Variants in ERO1B observed in about 807,000 individuals in gnomAD.
The protein encoded by ERO1B is ERO1-like protein beta.
A neutral mutation model predicts 75.3 loss-of-function variants in ERO1B; 49 were observed. The observed-to-expected ratio is 0.65, with a 90% CI of 0.52 to 0.83. The LOEUF (loss-of-function observed/expected upper bound fraction) is 0.83. Among genes scored for constraint, ERO1B ranks in the 40% least tolerant of loss-of-function variants. The pLI is 0.00. For missense variants in ERO1B, 512 were observed against 560.1 expected (o/e 0.91, Z 0.87); for synonymous variants, 191 against 192.9 (o/e 0.99, Z 0.08).
intron 6 of ERO1B, among the ~76,000 whole-genome samples, chr1:236,242,173 T>C (rs1465911191): frequency 6.6e-6 from 1 of 152,184 alleles, no homozygotes; most frequent in Non-Finnish European, 1.5e-5. Flanking sequence ...TTTTATTAAA[T>C]ACCTATTTAC....
At position 236,265,452 on chromosome 1, in the gene ERO1B, G is replaced by T. The variant is rs76948631; in HGVS notation, c.222+4423C>A. 6.3e-3 allele frequency among the ~76,000 whole-genome samples: 958 copies of T among 152,102 alleles called. 10 individuals are homozygous for T. The highest frequency in any genetic ancestry group is 0.022 in the African/African-American group (918 of 41,472). Reference sequence around the variant, plus strand: ...CCTTGATTTCATTTCTATATCATACGTCACACTCAATTCATCAGAAAAGCT... The same window carrying T: ...CCTTGATTTCATTTCTATATCATACTTCACACTCAATTCATCAGAAAAGCT... On this transcript the variant is annotated intron_variant, in intron 2 of 15. Coordinates refer to ENST00000354619, the MANE Select transcript of ERO1B (RefSeq NM_019891.4).
intron 10 of ERO1B, among the ~76,000 whole-genome samples, chr1:236,228,123 A>G (rs1335995501): frequency 6.6e-6 from 1 of 152,164 alleles, no homozygotes. Flanking sequence ...AATAAAATGG[A>G]TAAAGACAAG....
rs146971397 is a variant in ERO1B at position 236,247,824 on chromosome 1, T to C, written c.431+2061A>G. ...CTAGGCATGATCCTGCCATGGGGGT[T>C]TTCAACTAACATTTATATATACCTG... On this transcript the variant is annotated intron_variant, in intron 5 of 15. Coordinates refer to ENST00000354619, the MANE Select transcript of ERO1B (RefSeq NM_019891.4). Among the ~76,000 whole-genome samples, 4 of 152,322 alleles carry C rather than the reference T, an allele frequency of 2.6e-5. No homozygotes were observed. In the East Asian group the frequency reaches 7.7e-4, roughly 29 times the overall value.
chr1:236,236,342 T>G lies in ERO1B; in HGVS notation c.562A>C (p.Thr188Pro). The part of the protein sequence containing the change: ...VDLLLNPERY[T>P]GYKGTSAWRV... ...CATGCAGAGGTCCCTTTATAGCCAGTGTAACGCTCTGGGTTCAGCAATAGG... is the reference window on the plus strand; with the variant it reads ...CATGCAGAGGTCCCTTTATAGCCAGGGTAACGCTCTGGGTTCAGCAATAGG... The change falls in exon 7 of 16, where the codon ACT becomes CCT. Residue 188 changes from threonine to proline, a missense_variant. Coordinates refer to ENST00000354619, the MANE Select transcript of ERO1B (RefSeq NM_019891.4). 1.2e-6 allele frequency: 2 copies of G among 1,613,936 alleles called. No homozygotes were observed. Among genetic ancestry groups the G allele is most frequent in the Non-Finnish European group, 1.7e-6 (2 of 1,179,952 alleles).
chr1:236,226,201 G>A, intron 12 of ERO1B, 68 bp downstream of exon 12: 1 of 1,527,296 alleles, frequency 6.5e-7, no homozygotes, highest in Non-Finnish European at 8.9e-7. Flanking sequence ...CAGTTTTTGT[G>A]TACTTTAAGT....
At position 236,218,166 on chromosome 1, in the gene ERO1B, A is replaced by C. The variant is rs1436998667; in HGVS notation, c.*350T>G. On this transcript the variant is annotated 3_prime_UTR_variant, in exon 16 of 16. Transcript: ENST00000354619. ...TTTCCATAACAGACTGAACAGTGTT[A>C]TTAGAATGCAGACATAGCCATTTAA... is the stretch of plus-strand genomic sequence containing the variant. 6.5e-6 allele frequency: 1 copy of C among 154,552 alleles called. No homozygotes were observed. The highest frequency in any genetic ancestry group is 1.4e-5 in the Non-Finnish European group (1 of 69,712). The allele number at this position is 154,552 out of a possible 1,614,324, so 9.6% of individuals were successfully genotyped here. A position where few individuals can be genotyped will look rare whatever the true frequency, so the allele number is the denominator to read the frequency against.
intron 2 of ERO1B, among the ~76,000 whole-genome samples, chr1:236,256,300 T>C (rs533110833): frequency 5.0e-4 from 76 of 152,312 alleles, no homozygotes; most frequent in African/African-American, 1.7e-3. Context: ...TCTTCTTCCC[T>C]GGCTTGCTTC....
At chr1:236,228,270 G>C (rs1204283593) in intron 10 of ERO1B, among the ~76,000 whole-genome samples, 3 of 152,148 alleles carry the variant, frequency 2.0e-5, no homozygotes, top group African/African-American at 7.2e-5. Flanking sequence ...GATAAGTGAG[G>C]GGAGAGGAAT....
chr1:236,255,097 TCTTTC>T (rs1371670865), intron 2 of ERO1B, among the ~76,000 whole-genome samples: 1 of 136,140 alleles, frequency 7.3e-6, no homozygotes, highest in Non-Finnish European at 1.6e-5. Flanking sequence ...ATTTTTTTTT[TCTTTC>T]TTTTTTTTTT....
At chr1:236,246,902 T>C (rs1226457348) in intron 5 of ERO1B, among the ~76,000 whole-genome samples, 2 of 152,186 alleles carry the variant, frequency 1.3e-5, no homozygotes, top group African/African-American at 4.8e-5. Context: ...GTTTAAAGAA[T>C]AATTTCTGTT....
intron 1 of ERO1B, among the ~76,000 whole-genome samples, chr1:236,272,732 A>C (rs2695042): frequency 0.92 from 140,419 of 152,274 alleles, 65,798 homozygotes; most frequent in East Asian, 1. Context: ...AGAAATAAAT[A>C]TTGTTTTTGT....
intron 5 of ERO1B, among the ~76,000 whole-genome samples, chr1:236,245,582 T>TA (rs1664860840): frequency 2.1e-4 from 1 of 4,718 alleles, no homozygotes; most frequent in African/African-American, 3.7e-4. Context: ...ATATATATAT[T>TA]TTTTTTTTTT....
At chr1:236,267,969 A>G (rs1247500174) in intron 2 of ERO1B, 1 of 152,180 alleles carries the variant, frequency 6.6e-6, no homozygotes. Flanking sequence ...CGGGGGAAAA[A>G]AAAAAAAATG....
At chr1:236,223,763 CAT>C (rs1371762603) in intron 13 of ERO1B, among the ~76,000 whole-genome samples, 1 of 152,120 alleles carries the variant, frequency 6.6e-6, no homozygotes, top group African/African-American at 2.4e-5. Context: ...AAAAGTAGAA[CAT>C]ATGTGTTGAT....
At chr1:236,270,066 A>G in intron 1 of ERO1B, 72 bp from the exon 2 acceptor site, 2 of 1,092,586 alleles carry the variant, frequency 1.8e-6, no homozygotes, top group Non-Finnish European at 2.6e-6. Flanking sequence ...CTATTATATA[A>G]AAATGTAATT....
At chr1:236,258,789 C>T (rs903375029) in intron 2 of ERO1B, among the ~76,000 whole-genome samples, 16 of 152,162 alleles carry the variant, frequency 1.1e-4, no homozygotes, top group South Asian at 8.3e-4. Context: ...CTCGGGAAGC[C>T]GAGTCAAGAG....
intron 5 of ERO1B, among the ~76,000 whole-genome samples, chr1:236,249,034 T>C (rs1040746741): frequency 6.6e-6 from 1 of 151,462 alleles, no homozygotes; most frequent in Admixed American, 6.6e-5. Context: ...TCTTTTTTTT[T>C]TTTTTTTTGA....
intron 12 of ERO1B, among the ~76,000 whole-genome samples, chr1:236,226,019 A>G (rs1437280785): frequency 6.6e-6 from 1 of 152,258 alleles, no homozygotes; most frequent in Non-Finnish European, 1.5e-5. Flanking sequence ...TTGATACTAC[A>G]TAAAATTTAG....
At chr1:236,228,324 C>A (rs1664325319) in intron 10 of ERO1B, among the ~76,000 whole-genome samples, 1 of 152,134 alleles carries the variant, frequency 6.6e-6, no homozygotes, top group African/African-American at 2.4e-5. Context: ...TAACTTTAAG[C>A]AAATTAATAA....
Sources: allele counts gnomAD v4.1 joint callset (sites outside exome capture counted in the v4.1 genomes callset), GRCh38; gene constraint gnomAD v4.1.1; transcripts MANE v1.5; gene names NCBI Gene and HGNC (gene_info 2026-07-23, HGNC 2026-07-21).